SULT4A1: variants seen among roughly 807,000 people sequenced by gnomAD.
SULT4A1 encodes the protein sulfotransferase family 4A member 1.
In SULT4A1, 11 loss-of-function variants were observed where a neutral mutation model predicts 35.2. The ratio of observed to expected loss-of-function variants is 0.31; its 90% CI spans 0.20 to 0.52. The LOEUF (loss-of-function observed/expected upper bound fraction) is 0.52, where lower values mean the gene tolerates loss of function less well. SULT4A1 is among the 20% of genes least tolerant of loss of function. The pLI is 0.97. For missense variants in SULT4A1, 271 were observed against 383.7 expected (o/e 0.71, Z 2.45); for synonymous variants, 152 against 151.8 (o/e 1.00, Z -0.01).
chr22:43,857,581 A>C (rs1327674334), intron 1 of SULT4A1, among the ~76,000 whole-genome samples: 1 of 152,204 alleles, frequency 6.6e-6, no homozygotes, highest in Non-Finnish European at 1.5e-5. Context: ...CCACAGATCC[A>C]AGAGGCTTAG....
chr22:43,853,249 G>A (rs535261144), intron 1 of SULT4A1, among the ~76,000 whole-genome samples: 2 of 152,278 alleles, frequency 1.3e-5, no homozygotes, highest in African/African-American at 4.8e-5. Context: ...CAGCGAAACA[G>A]GGCCACGTCC....
chr22:43,841,706 T>C, intron 2 of SULT4A1, 96 bp downstream of exon 2: 1 of 1,527,470 alleles, frequency 6.5e-7, no homozygotes, highest in African/African-American at 1.4e-5. Flanking sequence ...TCTCCCCTAA[T>C]CCACAGAGCC....
intron 6 of SULT4A1, among the ~76,000 whole-genome samples, chr22:43,828,252 C>T (rs1235376620): frequency 6.6e-6 from 1 of 152,248 alleles, no homozygotes; most frequent in African/African-American, 2.4e-5. Flanking sequence ...CCATCAGGTT[C>T]ATACTTACCA....
intron 4 of SULT4A1, 96 bp downstream of exon 4, chr22:43,838,771 C>G: frequency 6.5e-7 from 1 of 1,542,242 alleles, no homozygotes; most frequent in Non-Finnish European, 8.8e-7. Context: ...ACTGTCAGAA[C>G]TGGAGACCGT....
intron 4 of SULT4A1, among the ~76,000 whole-genome samples, chr22:43,834,352 TCCCGCGCC>T (rs1307796165): frequency 1.8e-4 from 22 of 123,894 alleles, no homozygotes; most frequent in African/African-American, 5.3e-4. Flanking sequence ...GCCCTGAGCT[TCCCGCGCC>T]CCCACCGCGG....
rs560631101 is a variant in SULT4A1 at position 43,826,064 on chromosome 22, C to T, written c.792G>A (p.Lys264=). The stretch of plus-strand genomic sequence containing the variant: ...TCTTCTGTTTATACACCAAGTCAAA[C>T]TTCTCATTCATGGAGACGGTGAAGA... ...KDIFTVSMNE[K]FDLVYKQKMG... Residue 264 remains lysine (K), a synonymous_variant, in exon 7 of 7, where the codon AAG becomes AAA. Coordinates refer to ENST00000330884, the MANE Select transcript of SULT4A1 (RefSeq NM_014351.4). 1.1e-5 allele frequency: 17 copies of T among 1,614,208 alleles called. No homozygotes were observed. Among genetic ancestry groups the T allele is most frequent in the South Asian group, 5.5e-5 (5 of 91,082 alleles).
At chr22:43,828,434 A>G (rs1409381641) in intron 6 of SULT4A1, among the ~76,000 whole-genome samples, 1 of 152,204 alleles carries the variant, frequency 6.6e-6, no homozygotes, top group African/African-American at 2.4e-5. Flanking sequence ...CAGCTGCCTC[A>G]TGCCCACTGT....
rs1196811924 is a variant in SULT4A1 at position 43,825,993 on chromosome 22, T to A, written c.*8A>T. 1.9e-6 allele frequency: 3 copies of A among 1,613,070 alleles called. No homozygotes were observed. The highest frequency in any genetic ancestry group is 2.5e-6 in the Non-Finnish European group (3 of 1,179,270). ...GTATTGTGAGCATGCAGGTTGTTGTTTCTGTTATTATAAATAAAAGTCAAA... is the reference window on the plus strand; with the variant it reads ...GTATTGTGAGCATGCAGGTTGTTGTATCTGTTATTATAAATAAAAGTCAAA... On this transcript the variant is annotated 3_prime_UTR_variant, in exon 7 of 7. Coordinates refer to ENST00000330884, the MANE Select transcript of SULT4A1 (RefSeq NM_014351.4).
At position 43,840,261 on chromosome 22, in the gene SULT4A1, G is replaced by A. The variant is rs73428847; in HGVS notation, c.301-236C>T. 7.0e-3 allele frequency among the ~76,000 whole-genome samples: 1,047 copies of A among 150,276 alleles called. 16 individuals are homozygous for A. The highest frequency in any genetic ancestry group is 0.025 in the African/African-American group (1,017 of 40,648). On this transcript the variant is annotated intron_variant, in intron 2 of 6. Coordinates refer to ENST00000330884, the MANE Select transcript of SULT4A1 (RefSeq NM_014351.4). The stretch of plus-strand genomic sequence containing the variant: ...CAGGAGCAGGGGGACCAGAGGACGA[G>A]GGAAGGGGTGGGGGCCAGGGGAGAA...
At chr22:43,850,105 A>T (rs2063501473) in intron 1 of SULT4A1, among the ~76,000 whole-genome samples, 1 of 152,170 alleles carries the variant, frequency 6.6e-6, no homozygotes, top group Non-Finnish European at 1.5e-5. Flanking sequence ...CTTCACCTGC[A>T]CCTAGTTGAA....
At chr22:43,860,448 C>T (rs542914909) in intron 1 of SULT4A1, among the ~76,000 whole-genome samples, 2 of 152,322 alleles carry the variant, frequency 1.3e-5, no homozygotes, top group South Asian at 4.1e-4. Flanking sequence ...CGTTCTCACC[C>T]GCCATTTTGC....
intron 6 of SULT4A1, chr22:43,826,402 C>T: frequency 1.0e-6 from 1 of 985,380 alleles, no homozygotes; most frequent in African/African-American, 1.7e-5. Context: ...CCGCTGGGGC[C>T]CACCAGGGAG....
chr22:43,831,401 T>C (rs1012941154), intron 5 of SULT4A1, among the ~76,000 whole-genome samples: 26 of 151,960 alleles, frequency 1.7e-4, no homozygotes, highest in Non-Finnish European at 2.6e-4. Flanking sequence ...TGCTATGTCA[T>C]TGGTGGCAAA....
intron 1 of SULT4A1, among the ~76,000 whole-genome samples, chr22:43,854,928 A>T (rs557338666): frequency 6.6e-6 from 1 of 152,344 alleles, no homozygotes; most frequent in East Asian, 1.9e-4. Flanking sequence ...GGCGACAGTC[A>T]TGAGGACTCT....
intron 1 of SULT4A1, among the ~76,000 whole-genome samples, chr22:43,851,520 C>G (rs749928579): frequency 6.6e-6 from 1 of 152,152 alleles, no homozygotes; most frequent in Non-Finnish European, 1.5e-5. Context: ...GGGGGAGCAG[C>G]CTTGGTGCTT....
intron 4 of SULT4A1, among the ~76,000 whole-genome samples, chr22:43,836,524 G>A (rs1340766862): frequency 1.5e-5 from 2 of 136,528 alleles, no homozygotes; most frequent in South Asian, 2.5e-4. Context: ...CCTACACAGC[G>A]TCCTCACACT....
At chr22:43,836,032 C>T (rs1192308386) in intron 4 of SULT4A1, among the ~76,000 whole-genome samples, 2 of 152,258 alleles carry the variant, frequency 1.3e-5, no homozygotes, top group African/African-American at 4.8e-5. Flanking sequence ...AGGGAATCAT[C>T]CATCTGGAAT....
At chr22:43,858,796 C>T (rs559940325) in intron 1 of SULT4A1, among the ~76,000 whole-genome samples, 81 of 152,256 alleles carry the variant, frequency 5.3e-4, no homozygotes, top group Admixed American at 1.2e-3. Context: ...AGCCCTTTGT[C>T]CTCCCTAGGC....
chr22:43,828,181 A>G, intron 6 of SULT4A1, among the ~76,000 whole-genome samples: 1 of 152,192 alleles, frequency 6.6e-6, no homozygotes, highest in Non-Finnish European at 1.5e-5. Context: ...AGAGCCATCC[A>G]CGTTTCTGGG....
Sources: allele counts gnomAD v4.1 joint callset (sites outside exome capture counted in the v4.1 genomes callset), GRCh38; gene constraint gnomAD v4.1.1; transcripts MANE v1.5; gene names NCBI Gene and HGNC (gene_info 2026-07-23, HGNC 2026-07-21).